Variants in ZFAT observed in about 807,000 individuals in gnomAD.
ZFAT encodes the protein zinc finger protein ZFAT.
Under a neutral mutation model 117.7 loss-of-function variants are expected in ZFAT, and 64 were observed. The observed-to-expected ratio is 0.54, with a 90% CI of 0.44 to 0.67. The LOEUF is 0.67. Ranked by LOEUF, ZFAT falls within the 30% of genes least tolerant of loss-of-function variation. The pLI, the probability that ZFAT is intolerant of heterozygous loss-of-function variation, is 0.00. For synonymous variants in ZFAT, 679 were observed against 615.0 expected, an observed-to-expected ratio of 1.10 and a Z score of -1.54; for missense variants, 1,433 against 1,584.5, an observed-to-expected ratio of 0.90 and a Z score of 1.62.
intron 1 of ZFAT, among the ~76,000 whole-genome samples, chr8:134,662,214 C>T (rs1454578340): frequency 2.0e-5 from 3 of 152,122 alleles, no homozygotes; most frequent in Non-Finnish European, 2.9e-5. Context: ...GCAATAATTC[C>T]ATTCATGAAG....
At chr8:134,676,185 C>G (rs1832788208) in intron 1 of ZFAT, among the ~76,000 whole-genome samples, 2 of 147,390 alleles carry the variant, frequency 1.4e-5, no homozygotes, top group Admixed American at 7.0e-5. Context: ...TCAGGAGACC[C>G]ATTTCATGTG....
chr8:134,483,089 T>C, intron 15 of ZFAT, among the ~76,000 whole-genome samples: 1 of 152,220 alleles, frequency 6.6e-6, no homozygotes. Flanking sequence ...CTTTGTGCAT[T>C]TCATGGTATA....
At chr8:134,585,216 G>A (rs151291890) in intron 9 of ZFAT, among the ~76,000 whole-genome samples, 70 of 152,240 alleles carry the variant, frequency 4.6e-4, no homozygotes, top group East Asian at 3.9e-3. Context: ...CCACAGCTGT[G>A]GTGATAGCCT....
At chr8:134,581,460 G>A (rs1056136721) in intron 10 of ZFAT, among the ~76,000 whole-genome samples, 3 of 152,168 alleles carry the variant, frequency 2.0e-5, no homozygotes, top group Non-Finnish European at 4.4e-5. Context: ...AAACGTGAAG[G>A]TATCATTTCT....
intron 11 of ZFAT, among the ~76,000 whole-genome samples, chr8:134,548,865 G>A (rs901957768): frequency 6.6e-6 from 1 of 152,176 alleles, no homozygotes; most frequent in Non-Finnish European, 1.5e-5. Flanking sequence ...CATGTCTTCT[G>A]CTACTGCTGG....
Position 134,577,955 on chromosome 8 carries a change from A to T in ZFAT, c.2887+5877T>A, listed in dbSNP as rs75651705. Among the ~76,000 whole-genome samples the T allele has an allele frequency of 3.3e-3, 497 of 152,284 alleles. 3 individuals are homozygous for T. The highest frequency in any genetic ancestry group is 5.2e-3 in the South Asian group (25 of 4,822). On this transcript the variant is annotated intron_variant, in intron 10 of 15. Transcript: ENST00000377838. Reference sequence around the variant, plus strand: ...ACTTGGTGGGGTATGGAGACCTTCCATACGTGAGCACCTAGGGAAGACTCA... The same window carrying T: ...ACTTGGTGGGGTATGGAGACCTTCCTTACGTGAGCACCTAGGGAAGACTCA...
At chr8:134,564,192 CA>C (rs55811622) in intron 11 of ZFAT, among the ~76,000 whole-genome samples, 24,133 of 57,400 alleles carry the variant, frequency 0.42, 2,433 homozygotes, top group Admixed American at 0.52. Context: ...GACTCCTTCT[CA>C]AAAAAAAAAA....
intron 1 of ZFAT, among the ~76,000 whole-genome samples, chr8:134,695,050 T>A (rs1028543125): frequency 2.6e-5 from 4 of 152,120 alleles, no homozygotes; most frequent in Non-Finnish European, 5.9e-5. Context: ...CACCGCAAAC[T>A]GATGGGCCTC....
At chr8:134,779,467 T>C in the ZFAT span, among the ~76,000 whole-genome samples, 4 of 152,122 alleles carry the variant, frequency 2.6e-5, no homozygotes, top group Non-Finnish European at 5.9e-5. Context: ...CAGCAAAGAA[T>C]ACACACTTAG....
intron 2 of ZFAT, among the ~76,000 whole-genome samples, chr8:134,647,497 T>C (rs1028991629): frequency 6.6e-6 from 1 of 152,226 alleles, no homozygotes; most frequent in African/African-American, 2.4e-5. Context: ...TCACCACTTA[T>C]ATGCTTCCTG....
In ZFAT at chr8:134,605,014, C is replaced by T. The variant is rs1827777805; in HGVS notation, c.786-2081G>A. Among the ~76,000 whole-genome samples the T allele has an allele frequency of 3.9e-5, 6 of 152,178 alleles. No homozygotes were observed. In the South Asian group the frequency reaches 1.2e-3, roughly 31 times the overall value. On this transcript the variant is annotated intron_variant, in intron 5 of 15. Transcript: ENST00000377838. ...AAGATCTAAATGGTCTTAGGAGAAT[C>T]TTTTGCTCTGACTTTTTGTATTATT...
chr8:134,608,019 T>C (rs150739825), intron 5 of ZFAT, among the ~76,000 whole-genome samples: 196 of 152,284 alleles, frequency 1.3e-3, no homozygotes, highest in East Asian at 7.7e-3. Context: ...CACCAAAACA[T>C]TAATCACTGC....
the ZFAT span, among the ~76,000 whole-genome samples, chr8:134,759,604 G>GAAA: frequency 0.017 from 2,578 of 149,496 alleles, 40 homozygotes; most frequent in Admixed American, 0.049. Context: ...ATTCATTTAG[G>GAAA]AAAAAAAAAA....
At chr8:134,811,942 G>A in the ZFAT span, among the ~76,000 whole-genome samples, 60 of 152,164 alleles carry the variant, frequency 3.9e-4, no homozygotes, top group Non-Finnish European at 7.2e-4. Context: ...TCAGGAGTTC[G>A]AGACCAGGCT....
intron 13 of ZFAT, among the ~76,000 whole-genome samples, chr8:134,517,920 C>T (rs1820366926): frequency 6.6e-6 from 1 of 152,154 alleles, no homozygotes; most frequent in Non-Finnish European, 1.5e-5. Flanking sequence ...CACATGATGT[C>T]AGCATGCTTC....
At chr8:134,504,170 A>G (rs1819215264) in intron 15 of ZFAT, among the ~76,000 whole-genome samples, 1 of 152,048 alleles carries the variant, frequency 6.6e-6, no homozygotes, top group Non-Finnish European at 1.5e-5. Flanking sequence ...ATGGACTGAA[A>G]AGTAACTTGT....
chr8:134,545,589 T>A (rs189515584), intron 11 of ZFAT, among the ~76,000 whole-genome samples: 1 of 152,366 alleles, frequency 6.6e-6, no homozygotes, highest in East Asian at 1.9e-4. Flanking sequence ...TGATCAAAAG[T>A]AATTACAGTT....
At chr8:134,828,489 A>C in the ZFAT span, among the ~76,000 whole-genome samples, 1 of 152,218 alleles carries the variant, frequency 6.6e-6, no homozygotes. Flanking sequence ...TCTAAGAATA[A>C]AATTTCTCGA....
At chr8:134,695,372 C>T (rs922035652) in intron 1 of ZFAT, among the ~76,000 whole-genome samples, 13 of 147,238 alleles carry the variant, frequency 8.8e-5, no homozygotes, top group African/African-American at 3.5e-4. Context: ...CAGGCCCAGG[C>T]CCTCCGTCCG....
Sources: allele counts gnomAD v4.1 joint callset (sites outside exome capture counted in the v4.1 genomes callset), GRCh38; gene constraint gnomAD v4.1.1; transcripts MANE v1.5; gene names NCBI Gene and HGNC (gene_info 2026-07-23, HGNC 2026-07-21).